TLE4: variants seen among roughly 807,000 people sequenced by gnomAD.
The protein encoded by TLE4 is TLE family member 4, transcriptional corepressor.
Under a neutral mutation model 92.8 loss-of-function variants are expected in TLE4, and 8 were observed. The ratio of observed to expected loss-of-function variants is 0.09; its 90% CI spans 0.05 to 0.16. The LOEUF (loss-of-function observed/expected upper bound fraction) is 0.16, where lower values mean the gene tolerates loss of function less well. Ranked by LOEUF, TLE4 falls within the 10% of genes least tolerant of loss-of-function variation. TLE4 has a pLI of 1.00. For missense variants in TLE4, 675 were observed against 997.6 expected, an observed-to-expected ratio of 0.68 and a Z score of 4.36; for synonymous variants, 371 against 374.1, an observed-to-expected ratio of 0.99 and a Z score of 0.10.
intron 8 of TLE4, among the ~76,000 whole-genome samples, chr9:79,689,802 C>G (rs2066672972): frequency 6.6e-6 from 1 of 152,170 alleles, no homozygotes; most frequent in African/African-American, 2.4e-5. Flanking sequence ...TGATAGCAAT[C>G]ACAGTGGCTT....
intron 8 of TLE4, among the ~76,000 whole-genome samples, chr9:79,677,608 ATT>A (rs61013131): frequency 0.44 from 58,826 of 134,954 alleles, 12,732 homozygotes; most frequent in East Asian, 0.64. Flanking sequence ...TTGTTTCTTC[ATT>A]TTTTTTTTTT....
chr9:79,681,689 GA>G (rs1277552562), intron 8 of TLE4, among the ~76,000 whole-genome samples: 1 of 151,322 alleles, frequency 6.6e-6, no homozygotes, highest in Non-Finnish European at 1.5e-5. Context: ...AACTTTTTAA[GA>G]AAAATATGCT....
At chr9:79,646,242 ATCTTTGCAGGT>A (rs1367691712) in intron 6 of TLE4, among the ~76,000 whole-genome samples, 1 of 152,180 alleles carries the variant, frequency 6.6e-6, no homozygotes, top group South Asian at 2.1e-4. Context: ...AAAGTAGAAT[ATCTTTGCAGGT>A]TAATTGCTCT....
At chr9:79,672,129 G>A (rs2062497683) in intron 8 of TLE4, among the ~76,000 whole-genome samples, 1 of 150,994 alleles carries the variant, frequency 6.6e-6, no homozygotes, top group South Asian at 2.1e-4. Context: ...CTGTCCTGGG[G>A]AGAGAGGGTG....
At chr9:79,676,943 T>C (rs535533652) in intron 8 of TLE4, among the ~76,000 whole-genome samples, 2 of 152,294 alleles carry the variant, frequency 1.3e-5, no homozygotes, top group Admixed American at 6.5e-5. Context: ...TTAATTTCTT[T>C]CATGTGTTTG....
At chr9:79,621,832 A>G (rs544067481) in intron 5 of TLE4, among the ~76,000 whole-genome samples, 20 of 152,224 alleles carry the variant, frequency 1.3e-4, no homozygotes, top group Non-Finnish European at 2.2e-4. Context: ...CTGAATTTCT[A>G]TGAGTGGCTT....
chr9:79,676,670 C>A (rs1210247417), intron 8 of TLE4, among the ~76,000 whole-genome samples: 1 of 152,044 alleles, frequency 6.6e-6, no homozygotes, highest in Non-Finnish European at 1.5e-5. Context: ...GGACTAGATT[C>A]AGGGGAGGCG....
At position 79,726,458 on chromosome 9, in the gene TLE4, G is replaced by C. The variant is rs1202171021; in HGVS notation, c.*1314G>C. On this transcript the variant is annotated 3_prime_UTR_variant, in exon 20 of 20. Transcript: ENST00000376552. ...GTAGATATACTTTATTGTATAAGTA[G>C]AAAATTACTTAATTTCATACTAGAA... The C allele has an allele frequency of 6.6e-6, 1 of 152,418 alleles. No individual in the cohort carries two copies. Among genetic ancestry groups the C allele is most frequent in the Non-Finnish European group, 1.5e-5 (1 of 67,994 alleles). The allele number at this position is 152,418 out of a possible 1,614,324, so 9.4% of individuals were successfully genotyped here. A position where few individuals can be genotyped will look rare whatever the true frequency, so the allele number is the denominator to read the frequency against.
intron 7 of TLE4, among the ~76,000 whole-genome samples, chr9:79,653,778 C>T (rs1427388719): frequency 6.6e-6 from 1 of 152,142 alleles, no homozygotes; most frequent in African/African-American, 2.4e-5. Context: ...AGAGTTGATG[C>T]ATGATTGTAA....
At chr9:79,724,210 T>C (rs913625765) in intron 19 of TLE4, among the ~76,000 whole-genome samples, 6 of 151,784 alleles carry the variant, frequency 4.0e-5, no homozygotes, top group African/African-American at 1.5e-4. Context: ...ATTTCTCATA[T>C]CTGATCTCAC....
intron 8 of TLE4, among the ~76,000 whole-genome samples, chr9:79,672,891 G>A (rs897934991): frequency 3.9e-5 from 6 of 152,146 alleles, no homozygotes; most frequent in African/African-American, 4.8e-5. Flanking sequence ...TTTCTACAGC[G>A]ACAATTAGAG....
intron 5 of TLE4, among the ~76,000 whole-genome samples, chr9:79,624,220 A>T (rs1450332931): frequency 6.7e-6 from 1 of 148,566 alleles, no homozygotes; most frequent in East Asian, 2.0e-4. Context: ...TTATGGGAGT[A>T]CTTTGGGCTT....
chr9:79,685,881 T>C (rs1250891121), intron 8 of TLE4, among the ~76,000 whole-genome samples: 1 of 152,204 alleles, frequency 6.6e-6, no homozygotes, highest in Non-Finnish European at 1.5e-5. Flanking sequence ...GAGACATTAG[T>C]GATTCACAAA....
At chr9:79,594,433 ATTATC>A (rs2043447424) in intron 4 of TLE4, among the ~76,000 whole-genome samples, 1 of 152,016 alleles carries the variant, frequency 6.6e-6, no homozygotes, top group Non-Finnish European at 1.5e-5. Context: ...TTGATAGTGT[ATTATC>A]TTATTATCTG....
intron 1 of TLE4, 70 bp downstream of exon 1, chr9:79,572,905 G>A: frequency 1.3e-6 from 2 of 1,521,288 alleles, no homozygotes; most frequent in Non-Finnish European, 8.9e-7. Context: ...CCTGCGCACC[G>A]AGTTGTGTCT....
At chr9:79,633,860 A>G (rs998277499) in intron 6 of TLE4, among the ~76,000 whole-genome samples, 1 of 152,160 alleles carries the variant, frequency 6.6e-6, no homozygotes, top group African/African-American at 2.4e-5. Context: ...CATGGGCTAT[A>G]AGAGACAGTC....
intron 8 of TLE4, among the ~76,000 whole-genome samples, chr9:79,703,436 C>G (rs762822279): frequency 1.3e-5 from 2 of 152,208 alleles, no homozygotes; most frequent in Non-Finnish European, 2.9e-5. Context: ...AGCTTAGTCA[C>G]TAGGCAGTTG....
chr9:79,661,846 T>A (rs74961344), intron 8 of TLE4, among the ~76,000 whole-genome samples: 1,698 of 152,294 alleles, frequency 0.011, 38 homozygotes, highest in African/African-American at 0.038. Flanking sequence ...AGCTGAGAGT[T>A]CTAGTATTGT....
chr9:79,645,666 T>G (rs1204781942), intron 6 of TLE4, among the ~76,000 whole-genome samples: 5 of 152,196 alleles, frequency 3.3e-5, no homozygotes, highest in Admixed American at 3.3e-4. Context: ...ATTAACAGCA[T>G]TGAGGCTGTG....
Sources: allele counts gnomAD v4.1 joint callset (sites outside exome capture counted in the v4.1 genomes callset), GRCh38; gene constraint gnomAD v4.1.1; transcripts MANE v1.5; gene names NCBI Gene and HGNC (gene_info 2026-07-23, HGNC 2026-07-21).